ADARB2: variants seen among roughly 807,000 people sequenced by gnomAD.
The protein encoded by ADARB2 is inactive double-stranded RNA-specific editase B2.
Under a neutral mutation model 62.2 loss-of-function variants are expected in ADARB2, and 25 were observed. The ratio of observed to expected loss-of-function variants is 0.40; its 90% CI spans 0.29 to 0.56. The LOEUF (loss-of-function observed/expected upper bound fraction) is 0.56, where lower values mean the gene tolerates loss of function less well. Among genes scored for constraint, ADARB2 ranks in the 20% least tolerant of loss-of-function variants. The pLI is 0.43. For synonymous variants in ADARB2, 572 were observed against 500.8 expected (o/e 1.14, Z -1.90); for missense variants, 1,071 against 1,077.4 (o/e 0.99, Z 0.08).
At chr10:1,486,398 A>G (rs1480141468) in intron 1 of ADARB2, among the ~76,000 whole-genome samples, 1 of 152,212 alleles carries the variant, frequency 6.6e-6, no homozygotes, top group East Asian at 1.9e-4. Context: ...TAGATGGATA[A>G]TTAAGTAAAT....
intron 1 of ADARB2, among the ~76,000 whole-genome samples, chr10:1,444,630 ATCTG>A (rs988333565): frequency 6.8e-6 from 1 of 146,846 alleles, no homozygotes; most frequent in African/African-American, 2.6e-5. Context: ...CCATCTATTC[ATCTG>A]TCTATCCATC....
In ADARB2 at chr10:1,363,780, G is replaced by A. The variant is rs1234707031; in HGVS notation, c.325C>T (p.His109Tyr). The A allele has an allele frequency of 1.9e-6, 3 of 1,601,292 alleles. No individual in the cohort carries two copies. The highest frequency in any genetic ancestry group is 2.7e-5 in the African/African-American group (2 of 74,638). ...CAGACCAGCTGCAGTTTGCACAAGTGGCCCCCATTCCCCTCCTCCAGCGGC... is the reference window on the plus strand; with the variant it reads ...CAGACCAGCTGCAGTTTGCACAAGTAGCCCCCATTCCCCTCCTCCAGCGGC... ...KRPLEEGNGG[H>Y]LCKLQLVWKK... Residue 109 changes from histidine to tyrosine, a missense_variant, in exon 3 of 10, where the codon CAC (histidine) becomes TAC (tyrosine). Transcript: ENST00000381312.
chr10:1,499,977 A>G (rs917560124), intron 1 of ADARB2, among the ~76,000 whole-genome samples: 2 of 152,230 alleles, frequency 1.3e-5, no homozygotes, highest in African/African-American at 4.8e-5. Context: ...AGTGATTTTG[A>G]TATCTTTTAA....
chr10:1,219,989 T>G (rs1830670975), intron 6 of ADARB2, among the ~76,000 whole-genome samples: 1 of 128,706 alleles, frequency 7.8e-6, no homozygotes, highest in South Asian at 2.5e-4. Flanking sequence ...ATGGTGGTGA[T>G]GATGGTGATG....
chr10:1,268,864 C>T (rs1831232329), intron 4 of ADARB2, among the ~76,000 whole-genome samples: 1 of 152,194 alleles, frequency 6.6e-6, no homozygotes, highest in Non-Finnish European at 1.5e-5. Context: ...GCATTGTATT[C>T]ACTGGCAACT....
At chr10:1,355,922 T>C (rs1832190882) in intron 3 of ADARB2, among the ~76,000 whole-genome samples, 1 of 152,190 alleles carries the variant, frequency 6.6e-6, no homozygotes, top group Non-Finnish European at 1.5e-5. Context: ...ATATATAGCA[T>C]ACATTGTATA....
At chr10:1,590,292 AC>A (rs1334107786) in intron 1 of ADARB2, among the ~76,000 whole-genome samples, 2 of 152,238 alleles carry the variant, frequency 1.3e-5, no homozygotes, top group African/African-American at 4.8e-5. Context: ...AGCTATTAAT[AC>A]CAGGAATTCA....
At chr10:1,339,203 C>T (rs1832000971) in intron 3 of ADARB2, among the ~76,000 whole-genome samples, 2 of 152,238 alleles carry the variant, frequency 1.3e-5, no homozygotes, top group Non-Finnish European at 2.9e-5. Flanking sequence ...CCAGCATAGC[C>T]TCTTCTCAGG....
chr10:1,711,373 A>G (rs1334237755), intron 1 of ADARB2, among the ~76,000 whole-genome samples: 1 of 152,210 alleles, frequency 6.6e-6, no homozygotes, highest in Non-Finnish European at 1.5e-5. Flanking sequence ...ACAGCTCTGA[A>G]GGACGCACCT....
chr10:1,402,978 A>G (rs1237082281), intron 1 of ADARB2, among the ~76,000 whole-genome samples: 1 of 152,184 alleles, frequency 6.6e-6, no homozygotes, highest in Non-Finnish European at 1.5e-5. Flanking sequence ...TTGTTCCGTG[A>G]GGGGCACAGG....
chr10:1,300,308 A>C (rs1831561686), intron 3 of ADARB2, among the ~76,000 whole-genome samples: 1 of 152,116 alleles, frequency 6.6e-6, no homozygotes, highest in Non-Finnish European at 1.5e-5. Flanking sequence ...CGCAGCAGGG[A>C]TGGTTCTTCC....
intron 1 of ADARB2, among the ~76,000 whole-genome samples, chr10:1,670,756 C>G (rs140951725): frequency 6.6e-6 from 1 of 152,176 alleles, no homozygotes; most frequent in African/African-American, 2.4e-5. Context: ...GCCAACACTA[C>G]GGCTTCCTGA....
At chr10:1,632,228 G>C (rs141429172) in intron 1 of ADARB2, among the ~76,000 whole-genome samples, 2 of 151,948 alleles carry the variant, frequency 1.3e-5, no homozygotes, top group Non-Finnish European at 2.9e-5. Context: ...ACTTGTGCAG[G>C]CATGTGCACA....
In ADARB2 at chr10:1,663,983, C is replaced by T. The variant is rs148797295; in HGVS notation, c.100+73068G>A. Among the ~76,000 whole-genome samples, 1,410 of 152,308 alleles carry T rather than the reference C, an allele frequency of 9.3e-3. 12 individuals carry two copies. Among genetic ancestry groups the T allele is most frequent in the Middle Eastern group, 0.027 (8 of 294 alleles). On this transcript the variant is annotated intron_variant, in intron 1 of 9. Coordinates refer to ENST00000381312, the MANE Select transcript of ADARB2 (RefSeq NM_018702.4). Reference sequence around the variant, plus strand: ...GAACGTGCTACTGTTTATCCATTCACCCACTGAAGGACATCTGGCTGCTGC... The same window carrying T: ...GAACGTGCTACTGTTTATCCATTCATCCACTGAAGGACATCTGGCTGCTGC...
intron 1 of ADARB2, among the ~76,000 whole-genome samples, chr10:1,458,795 T>A (rs1477605396): frequency 2.0e-5 from 3 of 152,238 alleles, no homozygotes; most frequent in Non-Finnish European, 4.4e-5. Context: ...TTTTTCCTCA[T>A]GTGTACATTT....
chr10:1,476,549 T>G (rs887350322), intron 1 of ADARB2, among the ~76,000 whole-genome samples: 1 of 152,190 alleles, frequency 6.6e-6, no homozygotes, highest in South Asian at 2.1e-4. Flanking sequence ...CAGGTGGTTA[T>G]TGCTCTGCTT....
At chr10:1,412,623 G>A (rs149753891) in intron 1 of ADARB2, among the ~76,000 whole-genome samples, 2,418 of 152,210 alleles carry the variant, frequency 0.016, 31 homozygotes, top group Non-Finnish European at 0.027. Flanking sequence ...CGCGTTTCAG[G>A]TAATCAACTC....
chr10:1,690,964 A>G (rs1564368755), intron 1 of ADARB2, among the ~76,000 whole-genome samples: 1 of 151,956 alleles, frequency 6.6e-6, no homozygotes, highest in African/African-American at 2.4e-5. Context: ...CTGCCTCTCA[A>G]CCCCACGCTG....
chr10:1,591,410 G>A (rs1440696482), intron 1 of ADARB2, among the ~76,000 whole-genome samples: 2 of 152,254 alleles, frequency 1.3e-5, no homozygotes, highest in East Asian at 1.9e-4. Context: ...GCTGCTGAGG[G>A]TCTACAGCTG....
Sources: gnomAD v4.1 joint callset for allele counts (sites outside exome capture counted in the v4.1 genomes callset) on GRCh38, gnomAD v4.1.1 for gene constraint, MANE v1.5 for transcripts, NCBI Gene and HGNC (gene_info 2026-07-23, HGNC 2026-07-21) for gene names.